CHM: variants seen among roughly 807,000 people sequenced by gnomAD.
The protein encoded by CHM is CHM Rab escort protein.
In CHM, 10 loss-of-function variants were observed where a neutral mutation model predicts 49.0. The ratio of observed to expected loss-of-function variants is 0.20; its 90% CI spans 0.13 to 0.35. The LOEUF is 0.35. CHM is among the 10% of genes least tolerant of loss of function. The probability of loss-of-function intolerance (pLI) is 1.00; values close to 1 mark genes in which losing one functional copy is unlikely to be tolerated. For missense variants in CHM, 455 were observed against 478.4 expected, an observed-to-expected ratio of 0.95 and a Z score of 0.46; for synonymous variants, 184 against 167.5, an observed-to-expected ratio of 1.10 and a Z score of -0.76.
intron 14 of CHM, among the ~76,000 whole-genome samples, chrX:85,865,044 T>A (rs1923599010): frequency 8.9e-6 from 1 of 111,846 alleles, no homozygotes. Context: ...TCTTCAAGGA[T>A]GGCAGTACCT....
chrX:86,016,056 C>A (rs1262672628), intron 2 of CHM, among the ~76,000 whole-genome samples: 1 of 110,726 alleles, frequency 9.0e-6, no homozygotes, highest in Non-Finnish European at 1.9e-5. Context: ...CCACTTGAAC[C>A]CGAGAGGCAG....
chrX:85,875,939 A>G (rs1924388192), intron 13 of CHM, among the ~76,000 whole-genome samples: 1 of 111,910 alleles, frequency 8.9e-6, no homozygotes, highest in African/African-American at 3.2e-5. Context: ...ATGCAATCCT[A>G]TTTACAATGC....
intron 8 of CHM, among the ~76,000 whole-genome samples, chrX:85,931,591 G>A (rs183153949): frequency 1.8e-5 from 2 of 111,216 alleles, no homozygotes; most frequent in Non-Finnish European, 3.8e-5. Context: ...GATGATTTAC[G>A]GATCTACTAT....
At position 85,978,994 on chromosome X, in the gene CHM, C is replaced by G. The variant is rs986609708; in HGVS notation, c.190-103G>C. ...TTGTCTAAATTCATGCTTATTTCAT[C>G]TTACCAAAACTCAAAGGATATCACC... On this transcript the variant is annotated intron_variant, in intron 3 of 14. Transcript: ENST00000357749. 12 of 872,598 alleles carry G rather than the reference C, an allele frequency of 1.4e-5. No homozygotes were observed. The African/African-American group carries it at 2.2e-4, about 16-fold the overall frequency. 71.9% of individuals were successfully genotyped at this position (872,598 alleles called of 1,213,427 possible).
chrX:85,934,175 T>A (rs912893944), intron 8 of CHM, among the ~76,000 whole-genome samples: 2 of 108,955 alleles, frequency 1.8e-5, no homozygotes, highest in Non-Finnish European at 3.8e-5. Flanking sequence ...AGAGACAGGG[T>A]TTCACTGTGT....
At chrX:85,934,171 A>G (rs770165083) in intron 8 of CHM, among the ~76,000 whole-genome samples, 242 of 107,756 alleles carry the variant, frequency 2.2e-3, no homozygotes, top group Middle Eastern at 4.9e-3. Context: ...TAGTAGAGAC[A>G]GGGTTTCACT....
chrX:85,987,194 T>A (rs1931964367), intron 2 of CHM, among the ~76,000 whole-genome samples: 1 of 112,034 alleles, frequency 8.9e-6, no homozygotes, highest in Non-Finnish European at 1.9e-5. Flanking sequence ...ATCACTGGCA[T>A]CCCTGAAAGA....
chrX:85,948,284 T>C (rs1211181805), intron 8 of CHM, among the ~76,000 whole-genome samples: 1 of 112,211 alleles, frequency 8.9e-6, no homozygotes, highest in Non-Finnish European at 1.9e-5. Flanking sequence ...TTTTAAAGTC[T>C]ATAAACTGCA....
chrX:86,013,509 G>T (rs1933164673), intron 2 of CHM, among the ~76,000 whole-genome samples: 1 of 111,148 alleles, frequency 9.0e-6, no homozygotes, highest in Non-Finnish European at 1.9e-5. Flanking sequence ...CGAGACAGGC[G>T]GATCATGAGG....
chrX:85,934,226 C>T (rs1381460918), intron 8 of CHM, among the ~76,000 whole-genome samples: 1 of 107,475 alleles, frequency 9.3e-6, no homozygotes, highest in East Asian at 2.9e-4. Context: ...GTGATCTGCC[C>T]ACCTTGGCCT....
chrX:85,883,862 C>G (rs1042275675), intron 12 of CHM, among the ~76,000 whole-genome samples: 1 of 110,329 alleles, frequency 9.1e-6, no homozygotes, highest in Non-Finnish European at 1.9e-5. Flanking sequence ...AACTAACATC[C>G]TGTAACATCA....
chrX:85,945,179 C>T (rs1929333042), intron 8 of CHM, among the ~76,000 whole-genome samples: 1 of 110,691 alleles, frequency 9.0e-6, no homozygotes, highest in Non-Finnish European at 1.9e-5. Flanking sequence ...AGAAAAACTA[C>T]CTATCAGGTA....
chrX:86,031,862 GAA>G (rs1934060905), intron 1 of CHM, among the ~76,000 whole-genome samples: 1 of 112,120 alleles, frequency 8.9e-6, no homozygotes, highest in African/African-American at 3.2e-5. Context: ...ATTTATTTAG[GAA>G]AAGTTAACAT....
chrX:85,969,380 A>G, intron 4 of CHM: 1 of 721,387 alleles, frequency 1.4e-6, no homozygotes, highest in African/African-American at 2.3e-5. Context: ...GTGAATTAAT[A>G]TATTGCACCT....
chrX:86,019,283 C>T (rs1204929813), intron 2 of CHM, among the ~76,000 whole-genome samples: 1 of 111,880 alleles, frequency 8.9e-6, no homozygotes, highest in Non-Finnish European at 1.9e-5. Flanking sequence ...TTAGAAAATA[C>T]ATAGAACTCA....
At chrX:85,919,184 TC>T (rs772045223) in intron 8 of CHM, among the ~76,000 whole-genome samples, 1 of 111,910 alleles carries the variant, frequency 8.9e-6, no homozygotes, top group African/African-American at 3.2e-5. Context: ...TAAATGTCTT[TC>T]CACATTACAA....
chrX:85,877,963 A>G (rs1259946743), intron 13 of CHM, among the ~76,000 whole-genome samples: 1 of 112,004 alleles, frequency 8.9e-6, no homozygotes, highest in Non-Finnish European at 1.9e-5. Flanking sequence ...TCAAGTGCAC[A>G]TGCAAATCCT....
At chrX:86,016,888 G>A (rs1177923160) in intron 2 of CHM, among the ~76,000 whole-genome samples, 1 of 112,314 alleles carries the variant, frequency 8.9e-6, no homozygotes, top group Non-Finnish European at 1.9e-5. Flanking sequence ...GCTCATAAAA[G>A]CAGCCAGGAG....
rs180913409 is a variant in CHM at position 85,968,304 on chromosome X, C to G, written c.315-4252G>C. 4.9e-4 allele frequency among the ~76,000 whole-genome samples: 55 copies of G among 112,189 alleles called. 1 individual carries two copies. The highest frequency in any genetic ancestry group is 3.3e-3 in the Admixed American group (35 of 10,630). ...ATATATTTCCCAGTTTGTTACCAAC[C>G]TAAAACGTTAACACATACTATAGAA... On this transcript the variant is annotated intron_variant, in intron 4 of 14. Transcript: ENST00000357749.
Sources: allele counts gnomAD v4.1 joint callset (sites outside exome capture counted in the v4.1 genomes callset), GRCh38; gene constraint gnomAD v4.1.1; transcripts MANE v1.5; gene names NCBI Gene and HGNC (gene_info 2026-07-23, HGNC 2026-07-21).